EPB41: variants seen among roughly 807,000 people sequenced by gnomAD.
EPB41 encodes erythrocyte membrane protein band 4.1.
EPB41 carries 65 observed loss-of-function variants against 108.0 expected under a neutral mutation model. The ratio of observed to expected loss-of-function variants is 0.60; its 90% confidence interval spans 0.49 to 0.74. The LOEUF is 0.74. Ranked by LOEUF, EPB41 falls within the 30% of genes least tolerant of loss-of-function variation. The probability of loss-of-function intolerance (pLI) is 0.00; values close to 1 mark genes in which losing one functional copy is unlikely to be tolerated. For synonymous variants in EPB41, 336 were observed against 358.9 expected (o/e 0.94, Z 0.72); for missense variants, 875 against 1,037.0 (o/e 0.84, Z 2.15).
intron 1 of EPB41, among the ~76,000 whole-genome samples, chr1:28,941,913 A>G (rs2094304665): frequency 1.3e-5 from 2 of 151,434 alleles, no homozygotes; most frequent in African/African-American, 4.8e-5. Context: ...AAAAAAAAAA[A>G]AAGCAAAAAC....
At chr1:28,979,792 A>G (rs1209662619) in intron 1 of EPB41, among the ~76,000 whole-genome samples, 1 of 151,828 alleles carries the variant, frequency 6.6e-6, no homozygotes, top group Admixed American at 6.6e-5. Context: ...CTACTAGTTT[A>G]TGTATTAGTG....
At chr1:28,983,674 T>G (rs963829698) in intron 1 of EPB41, among the ~76,000 whole-genome samples, 2 of 152,164 alleles carry the variant, frequency 1.3e-5, no homozygotes, top group African/African-American at 4.8e-5. Flanking sequence ...CCTTGGTGCT[T>G]GCAGTACTCA....
intron 4 of EPB41, among the ~76,000 whole-genome samples, chr1:29,008,472 G>A (rs927021461): frequency 2.0e-5 from 3 of 152,156 alleles, no homozygotes; most frequent in African/African-American, 7.2e-5. Flanking sequence ...ACTGTCTTAT[G>A]TAAGGTTACA....
intron 11 of EPB41, among the ~76,000 whole-genome samples, chr1:29,040,616 G>A (rs1457731812): frequency 6.6e-6 from 1 of 152,030 alleles, no homozygotes; most frequent in Non-Finnish European, 1.5e-5. Context: ...TTGCCACGTG[G>A]CAATTATGGA....
intron 2 of EPB41, 119 bp from the exon 3 acceptor site, chr1:28,993,211 G>A: frequency 1.3e-6 from 1 of 795,108 alleles, no homozygotes; most frequent in Non-Finnish European, 2.1e-6. Flanking sequence ...TAATATTAAT[G>A]TCACCTATAT....
At chr1:29,022,448 C>A (rs917704517) in intron 7 of EPB41, among the ~76,000 whole-genome samples, 20 of 151,298 alleles carry the variant, frequency 1.3e-4, no homozygotes, top group Non-Finnish European at 2.5e-4. Flanking sequence ...TTAGGCCAGG[C>A]GCAGTGGCTC....
chr1:29,040,845 A>T (rs2150460097), intron 11 of EPB41, among the ~76,000 whole-genome samples: 1 of 152,142 alleles, frequency 6.6e-6, no homozygotes, highest in Admixed American at 6.6e-5. Context: ...GCTAATAAAT[A>T]AAAATTCAGG....
Position 29,061,613 on chromosome 1 carries a change from A to G in EPB41, c.2007+1129A>G, listed in dbSNP as rs936613363. Reference sequence around the variant, plus strand: ...TTTTTTTTTTTGAGGCGGGTCTCACAGTGTTACCCAGGCTGGAGTGCAGTG... The same window carrying G: ...TTTTTTTTTTTGAGGCGGGTCTCACGGTGTTACCCAGGCTGGAGTGCAGTG... On this transcript the variant is annotated intron_variant, in intron 15 of 20. Transcript: ENST00000343067. Among the ~76,000 whole-genome samples, 61 of 108,078 alleles carry G rather than the reference A, an allele frequency of 5.6e-4. 1 individual carries two copies. The East Asian group carries it at 0.017, about 30-fold the overall frequency. The allele number at this position is 108,078 out of a possible 152,430, so 70.9% of individuals were successfully genotyped here. A position where few individuals can be genotyped will look rare whatever the true frequency, so the allele number is the denominator to read the frequency against.
intron 17 of EPB41, among the ~76,000 whole-genome samples, chr1:29,104,570 T>C (rs963621420): frequency 1.3e-5 from 2 of 151,774 alleles, no homozygotes; most frequent in Non-Finnish European, 2.9e-5. Context: ...CGCACACCAC[T>C]ACATGTGACT....
At chr1:29,058,971 A>G in intron 14 of EPB41, 119 bp downstream of exon 14, 1 of 966,066 alleles carries the variant, frequency 1.0e-6, no homozygotes, top group Non-Finnish European at 1.6e-6. Context: ...GGAGTTGTTA[A>G]TAGTTTCAAA....
In EPB41 at chr1:28,941,894, C is replaced by CAA. The variant is rs58524634; in HGVS notation, c.-8+27146_-8+27147dup. ...GGGCAACAAGAGTGAAGCTCTGTCT[C>CAA]AAAAAAAAAAAAAAAAAAAAAGCAA... On this transcript the variant is annotated intron_variant, in intron 1 of 20. Coordinates refer to ENST00000343067, the MANE Select transcript of EPB41 (RefSeq NM_001376013.1). Among the ~76,000 whole-genome samples the CAA allele has an allele frequency of 6.0e-3, 383 of 64,362 alleles. 2 individuals carry two copies. The highest frequency in any genetic ancestry group is 7.6e-3 in the Non-Finnish European group (275 of 35,984). 42.2% of individuals were successfully genotyped at this position (64,362 alleles called of 152,430 possible).
chr1:29,113,445 A>G (rs1169277192), intron 19 of EPB41, among the ~76,000 whole-genome samples: 3 of 152,240 alleles, frequency 2.0e-5, no homozygotes, highest in Non-Finnish European at 4.4e-5. Context: ...TCCCAGAAAC[A>G]AGGCTGCAAA....
chr1:28,983,155 G>A (rs2149465277), intron 1 of EPB41, among the ~76,000 whole-genome samples: 1 of 152,286 alleles, frequency 6.6e-6, no homozygotes, highest in South Asian at 2.1e-4. Context: ...CATACTCTAT[G>A]TTTAAAGATT....
intron 7 of EPB41, among the ~76,000 whole-genome samples, chr1:29,019,487 C>A (rs1320824158): frequency 1.3e-5 from 2 of 152,188 alleles, no homozygotes; most frequent in African/African-American, 4.8e-5. Flanking sequence ...CTCATACATT[C>A]ATTGTTACTT....
intron 1 of EPB41, among the ~76,000 whole-genome samples, chr1:28,964,470 G>A (rs72872802): frequency 0.19 from 28,085 of 151,170 alleles, 3,318 homozygotes; most frequent in East Asian, 0.47. Context: ...GTGTGGTGGT[G>A]CACGCTTGTA....
intron 16 of EPB41, chr1:29,096,170 C>T (rs1663162496): frequency 7.1e-6 from 7 of 985,848 alleles, no homozygotes; most frequent in Non-Finnish European, 8.4e-6. Flanking sequence ...AAATGGCATT[C>T]GCACAGAGGA....
At chr1:29,059,358 A>G (rs1646118428) in intron 14 of EPB41, among the ~76,000 whole-genome samples, 1 of 152,232 alleles carries the variant, frequency 6.6e-6, no homozygotes, top group African/African-American at 2.4e-5. Flanking sequence ...GTTTTTAAGC[A>G]AAATGAAATA....
chr1:29,077,099 A>G (rs193136283), intron 16 of EPB41, among the ~76,000 whole-genome samples: 1 of 152,292 alleles, frequency 6.6e-6, no homozygotes. Context: ...TGCCAAATTA[A>G]TCACCTTATG....
At chr1:29,109,699 C>T in intron 18 of EPB41, 1 of 500,244 alleles carries the variant, frequency 2.0e-6, no homozygotes, top group Non-Finnish European at 3.7e-6. Context: ...ATCTGTCTCT[C>T]TGGTCAGTGA....
Sources: allele counts gnomAD v4.1 joint callset (sites outside exome capture counted in the v4.1 genomes callset), GRCh38; gene constraint gnomAD v4.1.1; transcripts MANE v1.5; gene names NCBI Gene and HGNC (gene_info 2026-07-23, HGNC 2026-07-21).